Variants in KIRREL3 observed in about 807,000 individuals in gnomAD.
KIRREL3 encodes the protein kin of IRRE-like protein 3.
In KIRREL3, 36 loss-of-function variants were observed where a neutral mutation model predicts 89.7. The observed-to-expected ratio is 0.40, with a 90% CI of 0.31 to 0.53. The LOEUF (loss-of-function observed/expected upper bound fraction) is 0.53, where lower values mean the gene tolerates loss of function less well. Among genes scored for constraint, KIRREL3 ranks in the 20% least tolerant of loss-of-function variants. The pLI is 0.49. For missense variants in KIRREL3, 864 were observed against 1,056.6 expected (o/e 0.82, Z 2.53); for synonymous variants, 445 against 441.4 (o/e 1.01, Z -0.10).
Position 126,520,574 on chromosome 11 carries a change from G to A in KIRREL3, c.433+741C>T, listed in dbSNP as rs947371392. Among the ~76,000 whole-genome samples the A allele has an allele frequency of 1.3e-5, 2 of 152,150 alleles. No individual in the cohort carries two copies. The highest frequency in any genetic ancestry group is 2.1e-4 in the South Asian group (1 of 4,828). On this transcript the variant is annotated intron_variant, in intron 4 of 16. Transcript: ENST00000525144. This position sits in a 1 kb window ranked among gnomAD's most constrained non-coding sequence, Gnocchi z 4.9. ...CTGGTTCTCAGCAGCCTTGATCCTC[G>A]GTAACATTTGGCCAGAGGAGGGAGA... is the stretch of plus-strand genomic sequence containing the variant.
rs368036493 is a variant in KIRREL3, at chr11:126,431,558, G to A, written c.1589-32C>T. The A allele has an allele frequency of 1.4e-5, 23 of 1,592,420 alleles. No individual in the cohort carries two copies. Among genetic ancestry groups the A allele is most frequent in the African/African-American group, 2.7e-5 (2 of 74,568 alleles). ...GAGAGAAGCGGGCACAGCTGATGAC[G>A]GATGGGGAATGGCCTACTATCCCCC... On this transcript the variant is annotated intron_variant, in intron 13 of 16. Transcript: ENST00000525144. This position sits in a 1 kb window ranked among gnomAD's most constrained non-coding sequence, Gnocchi z 7.1.
At position 126,838,804 on chromosome 11, in the gene KIRREL3, T is replaced by C. The variant is rs938814856; in HGVS notation, c.55+161651A>G. ...ATGGCAGTAATAAAGGGGGGAAATATATGATCCATAAATAAAGAAAAACGG... is the reference window on the plus strand; with the variant it reads ...ATGGCAGTAATAAAGGGGGGAAATACATGATCCATAAATAAAGAAAAACGG... On this transcript the variant is annotated intron_variant, in intron 1 of 16. Transcript: ENST00000525144. Among the ~76,000 whole-genome samples the C allele has an allele frequency of 3.9e-5, 6 of 152,226 alleles. No individual in the cohort carries two copies. The East Asian group carries it at 5.8e-4, about 15-fold the overall frequency.
rs182464938 is a variant in KIRREL3 at position 126,766,361 on chromosome 11, C to T, written c.56-203449G>A. Among the ~76,000 whole-genome samples, 478 of 152,182 alleles carry T rather than the reference C, an allele frequency of 3.1e-3. 5 individuals carry two copies. The highest frequency in any genetic ancestry group is 0.011 in the African/African-American group (451 of 41,522). ...TGCAGAATTAGAACACTCACTCCTA[C>T]GCGGAGAAGAAAAAACTTGGGGAGA... On this transcript the variant is annotated intron_variant, in intron 1 of 16. Coordinates refer to ENST00000525144, the MANE Select transcript of KIRREL3 (RefSeq NM_032531.4). The surrounding 1 kb of genome is among the most constrained non-coding windows in gnomAD (Gnocchi z 4.2).
rs1435008642 is a variant in KIRREL3 at position 126,676,061 on chromosome 11, G to A, written c.56-113149C>T. On this transcript the variant is annotated intron_variant, in intron 1 of 16. Transcript: ENST00000525144. The surrounding 1 kb of genome is among the most constrained non-coding windows in gnomAD (Gnocchi z 4.5). ...AGTAGGAGGGAGAAGTTTGAGAAAG[G>A]AAGAGGATGCCAGGTCCAGTTTGGG... Among the ~76,000 whole-genome samples the A allele has an allele frequency of 6.6e-6, 1 of 152,168 alleles. No homozygotes were observed. Among genetic ancestry groups the A allele is most frequent in the Non-Finnish European group, 1.5e-5 (1 of 68,030 alleles).
intron 1 of KIRREL3, among the ~76,000 whole-genome samples, chr11:126,650,609 G>C (rs1349237275): frequency 2.0e-5 from 3 of 152,154 alleles, no homozygotes; most frequent in Non-Finnish European, 4.4e-5. Flanking sequence ...ATCTCCATCT[G>C]AGACAACCTC....
At chr11:126,437,554 C>G (rs903071301) in intron 11 of KIRREL3, among the ~76,000 whole-genome samples, 2 of 151,126 alleles carry the variant, frequency 1.3e-5, no homozygotes, top group Non-Finnish European at 3.0e-5. Context: ...CAACACATCA[C>G]AGTGCACACA....
At chr11:126,473,180 C>A in intron 5 of KIRREL3, 129 bp downstream of exon 5, 1 of 265,544 alleles carries the variant, frequency 3.8e-6, no homozygotes, top group East Asian at 8.3e-5. Flanking sequence ...CCCTCCTAAT[C>A]CAGCCCCCGC....
At chr11:126,445,156 CTT>C (rs1337911985) in intron 9 of KIRREL3, 51 bp from the exon 10 acceptor site, 1 of 1,601,092 alleles carries the variant, frequency 6.2e-7, no homozygotes, top group Non-Finnish European at 8.5e-7. Flanking sequence ...GGGGTGCACT[CTT>C]GTCTCTGGGA....
rs887622306 is a variant in KIRREL3, at chr11:126,989,217, T to C, written c.55+11238A>G. Among the ~76,000 whole-genome samples the C allele has an allele frequency of 1.3e-5, 2 of 152,234 alleles. No homozygotes were observed. The highest frequency in any genetic ancestry group is 4.8e-5 in the African/African-American group (2 of 41,468). ...AAAACTTATGCAAAAAGTTTTCTTTTCTACAAGAGATGCTGAAGAAGTCAC... is the reference window on the plus strand; with the variant it reads ...AAAACTTATGCAAAAAGTTTTCTTTCCTACAAGAGATGCTGAAGAAGTCAC... On this transcript the variant is annotated intron_variant, in intron 1 of 16. Coordinates refer to ENST00000525144, the MANE Select transcript of KIRREL3 (RefSeq NM_032531.4). This position sits in a 1 kb window ranked among gnomAD's most constrained non-coding sequence, Gnocchi z 6.2.
intron 1 of KIRREL3, among the ~76,000 whole-genome samples, chr11:126,952,453 T>A (rs772196029): frequency 1.4e-4 from 21 of 152,334 alleles, no homozygotes; most frequent in Non-Finnish European, 2.5e-4. Context: ...GTAAATTTGT[T>A]TAAGTTCTTT....
At chr11:126,986,702 C>T (rs1949877427) in intron 1 of KIRREL3, among the ~76,000 whole-genome samples, 1 of 152,190 alleles carries the variant, frequency 6.6e-6, no homozygotes, top group African/African-American at 2.4e-5. Context: ...TGCTGTGTTC[C>T]ACATCATAGG....
chr11:127,000,687 A>G lies in KIRREL3; in HGVS notation c.-178T>C. ...TTTGTGCCTCTGGGTATCTGCAGCCAGCCGACACAAACTGCCTGTTCTTAG... is the reference window on the plus strand; with the variant it reads ...TTTGTGCCTCTGGGTATCTGCAGCCGGCCGACACAAACTGCCTGTTCTTAG... On this transcript the variant is annotated 5_prime_UTR_variant, in exon 1 of 17. Coordinates refer to ENST00000525144, the MANE Select transcript of KIRREL3 (RefSeq NM_032531.4). This position sits in a 1 kb window ranked among gnomAD's most constrained non-coding sequence, Gnocchi z 7.1. 1.8e-6 allele frequency: 1 copy of G among 558,442 alleles called. No homozygotes were observed. The highest frequency in any genetic ancestry group is 3.2e-6 in the Non-Finnish European group (1 of 317,204). The allele number at this position is 558,442 out of a possible 1,614,324, so 34.6% of individuals were successfully genotyped here. A position where few individuals can be genotyped will look rare whatever the true frequency, so the allele number is the denominator to read the frequency against.
rs993553835 is a variant in KIRREL3, at chr11:126,641,157, T to G, written c.56-78245A>C. Reference sequence around the variant, plus strand: ...CTTCCAGTTACTCAGACCAGGAAACTTGAAGTGAGTGATCCTAGACTCTTC... The same window carrying G: ...CTTCCAGTTACTCAGACCAGGAAACGTGAAGTGAGTGATCCTAGACTCTTC... On this transcript the variant is annotated intron_variant, in intron 1 of 16. Coordinates refer to ENST00000525144, the MANE Select transcript of KIRREL3 (RefSeq NM_032531.4). The surrounding 1 kb of genome is among the most constrained non-coding windows in gnomAD (Gnocchi z 5.0). Among the ~76,000 whole-genome samples, 1 of 152,192 alleles carries G rather than the reference T, an allele frequency of 6.6e-6. No homozygotes were observed. The highest frequency in any genetic ancestry group is 2.4e-5 in the African/African-American group (1 of 41,448).
chr11:126,810,344 A>T (rs1328043733), intron 1 of KIRREL3, among the ~76,000 whole-genome samples: 2 of 152,194 alleles, frequency 1.3e-5, no homozygotes, highest in African/African-American at 4.8e-5. Flanking sequence ...TGTTGTCAAA[A>T]CTTACAGCAG....
At chr11:126,951,481 G>C (rs938350624) in intron 1 of KIRREL3, among the ~76,000 whole-genome samples, 1 of 152,154 alleles carries the variant, frequency 6.6e-6, no homozygotes, top group Non-Finnish European at 1.5e-5. Context: ...GTGAGAAGGA[G>C]GTATCAGGAG....
At position 126,891,231 on chromosome 11, in the gene KIRREL3, T is replaced by C. The variant is rs1945907552; in HGVS notation, c.55+109224A>G. Reference sequence around the variant, plus strand: ...TATAAAGGGTGATTAGGAAATAGCATGGCTCTCTATCTTCTCATGCCTTAG... The same window carrying C: ...TATAAAGGGTGATTAGGAAATAGCACGGCTCTCTATCTTCTCATGCCTTAG... On this transcript the variant is annotated intron_variant, in intron 1 of 16. Transcript: ENST00000525144. The surrounding 1 kb of genome is among the most constrained non-coding windows in gnomAD (Gnocchi z 5.1). Among the ~76,000 whole-genome samples the C allele has an allele frequency of 6.6e-6, 1 of 152,234 alleles. No homozygotes were observed. Among genetic ancestry groups the C allele is most frequent in the African/African-American group, 2.4e-5 (1 of 41,464 alleles).
intron 1 of KIRREL3, among the ~76,000 whole-genome samples, chr11:126,857,440 TA>T (rs1028001370): frequency 6.6e-6 from 1 of 152,312 alleles, no homozygotes; most frequent in African/African-American, 2.4e-5. Flanking sequence ...AGCTATATGT[TA>T]CATCCTAGAG....
Position 126,427,586 on chromosome 11 carries a change from G to T in KIRREL3, c.1806+1593C>A, listed in dbSNP as rs1235218878. On this transcript the variant is annotated intron_variant, in intron 15 of 16. Transcript: ENST00000525144. The surrounding 1 kb of genome is among the most constrained non-coding windows in gnomAD (Gnocchi z 5.3). ...CGAAGGCCAGGAATCAAGCTCTTTGGCATGTCTGGAAGGCCAGATGTACTT... is the reference window on the plus strand; with the variant it reads ...CGAAGGCCAGGAATCAAGCTCTTTGTCATGTCTGGAAGGCCAGATGTACTT... Among the ~76,000 whole-genome samples the T allele has an allele frequency of 6.6e-6, 1 of 152,200 alleles. No homozygotes were observed. Among genetic ancestry groups the T allele is most frequent in the Non-Finnish European group, 1.5e-5 (1 of 68,032 alleles).
chr11:126,745,373 T>G (rs1949109707), intron 1 of KIRREL3, among the ~76,000 whole-genome samples: 2 of 151,732 alleles, frequency 1.3e-5, no homozygotes, highest in African/African-American at 4.8e-5. Context: ...GGTTCACATT[T>G]CAACATCTGA....
Sources: gnomAD v4.1 joint callset for allele counts (sites outside exome capture counted in the v4.1 genomes callset) on GRCh38, gnomAD v4.1.1 for gene constraint, Gnocchi (gnomAD v3.1) non-coding constraint, MANE v1.5 for transcripts, NCBI Gene and HGNC (gene_info 2026-07-23, HGNC 2026-07-21) for gene names.